HS2ST1: variants seen among roughly 807,000 people sequenced by gnomAD.
HS2ST1 encodes heparan sulfate 2-O-sulfotransferase 1.
A neutral mutation model predicts 42.9 loss-of-function variants in HS2ST1; 18 were observed. The ratio of observed to expected loss-of-function variants is 0.42; its 90% CI spans 0.29 to 0.62. The LOEUF (loss-of-function observed/expected upper bound fraction) is 0.62. Ranked by LOEUF, HS2ST1 falls within the 20% of genes least tolerant of loss-of-function variation. The pLI is 0.21. For missense variants in HS2ST1, 334 were observed against 433.8 expected, an observed-to-expected ratio of 0.77 and a Z score of 2.04; for synonymous variants, 146 against 152.9, an observed-to-expected ratio of 0.95 and a Z score of 0.33.
intron 2 of HS2ST1, among the ~76,000 whole-genome samples, chr1:87,075,722 A>G (rs117089681): frequency 3.9e-5 from 6 of 152,204 alleles, no homozygotes; most frequent in East Asian, 1.9e-4. Context: ...TGTACATACT[A>G]TATTAGGTAT....
intron 1 of HS2ST1, among the ~76,000 whole-genome samples, chr1:86,938,548 T>G (rs1923144): frequency 0.3 from 45,824 of 151,880 alleles, 9,191 homozygotes; most frequent in African/African-American, 0.57. Context: ...CATAACTTTT[T>G]TGATAGTTAT....
chr1:87,101,929 C>G (rs1049089554), intron 5 of HS2ST1, among the ~76,000 whole-genome samples: 2 of 152,322 alleles, frequency 1.3e-5, no homozygotes, highest in East Asian at 3.9e-4. Flanking sequence ...GCACCAACAT[C>G]TGTTTGGCTT....
chr1:87,024,165 G>GGAA (rs1650026055), intron 1 of HS2ST1, among the ~76,000 whole-genome samples: 1 of 152,040 alleles, frequency 6.6e-6, no homozygotes, highest in Non-Finnish European at 1.5e-5. Flanking sequence ...AATGGAAGGA[G>GGAA]GAAGCATGGT....
intron 1 of HS2ST1, among the ~76,000 whole-genome samples, chr1:86,963,259 A>C (rs1647905964): frequency 6.6e-6 from 1 of 152,040 alleles, no homozygotes; most frequent in Non-Finnish European, 1.5e-5. Flanking sequence ...TCAGCAGATA[A>C]ACAAGTGAAC....
chr1:86,968,627 G>GC (rs1648134812), intron 1 of HS2ST1, among the ~76,000 whole-genome samples: 1 of 151,898 alleles, frequency 6.6e-6, no homozygotes, highest in South Asian at 2.1e-4. Flanking sequence ...CTGGTCTCGG[G>GC]ACTCCTGGCC....
chr1:86,962,705 A>G (rs543362336), intron 1 of HS2ST1, among the ~76,000 whole-genome samples: 5 of 152,362 alleles, frequency 3.3e-5, no homozygotes, highest in Admixed American at 2.6e-4. Flanking sequence ...ACAAAACTAC[A>G]GCTCTGAGAT....
intron 1 of HS2ST1, among the ~76,000 whole-genome samples, chr1:86,957,992 C>G (rs1647722872): frequency 6.6e-6 from 1 of 152,088 alleles, no homozygotes; most frequent in Non-Finnish European, 1.5e-5. Context: ...GGGGTTTCAC[C>G]ATGTTGGCCA....
At chr1:86,925,135 G>T (rs1660387798) in intron 1 of HS2ST1, among the ~76,000 whole-genome samples, 2 of 152,124 alleles carry the variant, frequency 1.3e-5, no homozygotes, top group South Asian at 4.1e-4. Flanking sequence ...GCAAAATGCT[G>T]CCAGTCTCTT....
intron 1 of HS2ST1, among the ~76,000 whole-genome samples, chr1:86,973,222 C>CTT (rs542967795): frequency 1.4e-5 from 2 of 141,630 alleles, no homozygotes; most frequent in African/African-American, 2.6e-5. Context: ...AATTTATGGT[C>CTT]TTTTTTTTTT....
At position 86,988,003 on chromosome 1, in the gene HS2ST1, G is replaced by A. The variant is rs573881054; in HGVS notation, c.124+72843G>A. 8.5e-5 allele frequency among the ~76,000 whole-genome samples: 13 copies of A among 152,232 alleles called. 1 individual carries two copies. The South Asian group carries it at 2.5e-3, about 29-fold the overall frequency. On this transcript the variant is annotated intron_variant, in intron 1 of 6. Transcript: ENST00000370550. ...ATGTCCAGGATGAGAGAGACTCCTCGTCCATGCTGATCCAAATAAAGGTTG... is the reference window on the plus strand; with the variant it reads ...ATGTCCAGGATGAGAGAGACTCCTCATCCATGCTGATCCAAATAAAGGTTG...
At chr1:86,985,196 A>T (rs1286453107) in intron 1 of HS2ST1, among the ~76,000 whole-genome samples, 1 of 149,490 alleles carries the variant, frequency 6.7e-6, no homozygotes, top group Non-Finnish European at 1.5e-5. Context: ...TCTACTAAAA[A>T]TACAAAAAAT....
In HS2ST1 at chr1:87,092,657, A is replaced by T; in HGVS notation, c.576A>T (p.Gln192His). Reference protein sequence around the residue: ...DYRPGLRRRKQGDKKTFDECV... With the variant: ...DYRPGLRRRKHGDKKTFDECV... ...GACCAGGGTTACGGAGACGAAAACA[A>T]GGAGACAAAAAGGTAATATTTTAGT... The change falls in exon 4 of 7, where the codon CAA (glutamine) becomes CAT (histidine). Residue 192 changes from glutamine (Q) to histidine (H), a missense_variant. By Grantham distance (24) the Gln-to-His change is conservative (BLOSUM62 0). Transcript: ENST00000370550. The T allele has an allele frequency of 6.5e-7, 1 of 1,532,480 alleles. No homozygotes were observed. The highest frequency in any genetic ancestry group is 8.7e-7 in the Non-Finnish European group (1 of 1,145,146). The allele number at this position is 1,532,480 out of a possible 1,614,324, so 94.9% of individuals were successfully genotyped here. A position where few individuals can be genotyped will look rare whatever the true frequency, so the allele number is the denominator to read the frequency against.
chr1:87,040,985 T>C (rs1224549351), intron 1 of HS2ST1, among the ~76,000 whole-genome samples: 1 of 152,132 alleles, frequency 6.6e-6, no homozygotes, highest in African/African-American at 2.4e-5. Flanking sequence ...CATTTTGATG[T>C]CAATAACCAC....
At chr1:87,048,788 T>G (rs1278674396) in intron 1 of HS2ST1, among the ~76,000 whole-genome samples, 2 of 152,164 alleles carry the variant, frequency 1.3e-5, no homozygotes, top group Admixed American at 6.5e-5. Flanking sequence ...CATTGACTTT[T>G]GCATGTTAAA....
intron 5 of HS2ST1, among the ~76,000 whole-genome samples, chr1:87,101,241 C>A (rs1652198087): frequency 7.3e-6 from 1 of 137,360 alleles, no homozygotes; most frequent in Non-Finnish European, 1.5e-5. Context: ...TCTCGGTTCA[C>A]TGCAACCTCC....
intron 1 of HS2ST1, among the ~76,000 whole-genome samples, chr1:86,961,609 A>G (rs576692173): frequency 2.0e-5 from 3 of 152,302 alleles, no homozygotes; most frequent in South Asian, 4.1e-4. Context: ...AATTGAGGTG[A>G]AAATCACTTC....
chr1:86,963,711 C>G lies in HS2ST1; in HGVS notation c.124+48551C>G, dbSNP rs565339510. On this transcript the variant is annotated intron_variant, in intron 1 of 6. Transcript: ENST00000370550. ...GGGTGACAGCCGGGCAGAGGGGCTTCTCACTTCCCAGAAGGGGCGGCCAGG... is the reference window on the plus strand; with the variant it reads ...GGGTGACAGCCGGGCAGAGGGGCTTGTCACTTCCCAGAAGGGGCGGCCAGG... Among the ~76,000 whole-genome samples, 764 of 151,058 alleles carry G rather than the reference C, an allele frequency of 5.1e-3. 13 individuals are homozygous for G. The highest frequency in any genetic ancestry group is 0.018 in the African/African-American group (726 of 41,200).
At chr1:87,025,639 G>A (rs757103982) in intron 1 of HS2ST1, among the ~76,000 whole-genome samples, 26 of 152,060 alleles carry the variant, frequency 1.7e-4, no homozygotes, top group Admixed American at 1.2e-3. Flanking sequence ...AGGAATTTGC[G>A]TGTACATATA....
intron 1 of HS2ST1, among the ~76,000 whole-genome samples, chr1:86,966,838 C>G (rs1393638569): frequency 6.6e-6 from 1 of 151,650 alleles, no homozygotes; most frequent in East Asian, 1.9e-4. Context: ...ACCCATGATA[C>G]AAATCTCTCT....
Sources: gnomAD v4.1 joint callset for allele counts (sites outside exome capture counted in the v4.1 genomes callset) on GRCh38, gnomAD v4.1.1 for gene constraint, MANE v1.5 for transcripts, NCBI Gene and HGNC (gene_info 2026-07-23, HGNC 2026-07-21) for gene names.